Variants in CSMD1 observed in about 807,000 individuals in gnomAD.
The protein encoded by CSMD1 is CUB and sushi domain-containing protein 1.
In CSMD1, 213 loss-of-function variants were observed where a neutral mutation model predicts 417.5. The ratio of observed to expected loss-of-function variants is 0.51; its 90% CI spans 0.46 to 0.57. CSMD1 has a LOEUF of 0.57. Among genes scored for constraint, CSMD1 ranks in the 20% least tolerant of loss-of-function variants. The probability of loss-of-function intolerance (pLI) is 0.00; values close to 1 mark genes in which losing one functional copy is unlikely to be tolerated. For synonymous variants in CSMD1, 2,862 were observed against 1,736.8 expected, an observed-to-expected ratio of 1.65 and a Z score of -16.11; for missense variants, 6,923 against 4,529.7, an observed-to-expected ratio of 1.53 and a Z score of -15.17.
chr8:3,784,438 T>A (rs1354233441), intron 5 of CSMD1, among the ~76,000 whole-genome samples: 2 of 152,238 alleles, frequency 1.3e-5, no homozygotes, highest in East Asian at 1.9e-4. Context: ...CCTTTCAGTT[T>A]CTTAAAGAGA....
At chr8:4,460,495 A>T (rs1414027463) in intron 2 of CSMD1, among the ~76,000 whole-genome samples, 1 of 152,168 alleles carries the variant, frequency 6.6e-6, no homozygotes, top group Non-Finnish European at 1.5e-5. Context: ...TCAAGTATAC[A>T]ATAGAAAAAA....
intron 7 of CSMD1, among the ~76,000 whole-genome samples, chr8:3,619,347 T>C (rs1006425978): frequency 1.3e-5 from 2 of 151,442 alleles, no homozygotes; most frequent in African/African-American, 2.4e-5. Flanking sequence ...TCTGCAAACA[T>C]GGAGCACGGT....
intron 3 of CSMD1, among the ~76,000 whole-genome samples, chr8:4,411,102 C>T (rs111307204): frequency 1.1e-4 from 16 of 152,094 alleles, no homozygotes; most frequent in African/African-American, 3.6e-4. Context: ...CACGTGTGGC[C>T]ACCTGATCTT....
At chr8:3,672,507 G>A (rs1009039633) in intron 7 of CSMD1, among the ~76,000 whole-genome samples, 11 of 152,162 alleles carry the variant, frequency 7.2e-5, no homozygotes, top group Non-Finnish European at 1.2e-4. Flanking sequence ...TAAATATTTA[G>A]ATTATATAAA....
chr8:4,156,704 G>A (rs1389891052), intron 3 of CSMD1, among the ~76,000 whole-genome samples: 1 of 152,146 alleles, frequency 6.6e-6, no homozygotes, highest in Non-Finnish European at 1.5e-5. Flanking sequence ...GGCCCAAGAA[G>A]AGACTATGTG....
At chr8:4,891,902 GCAAA>G (rs1804148663) in intron 1 of CSMD1, among the ~76,000 whole-genome samples, 2 of 151,926 alleles carry the variant, frequency 1.3e-5, no homozygotes, top group South Asian at 2.1e-4. Context: ...TTCTATTTTA[GCAAA>G]CAAACAGATG....
At chr8:4,764,351 T>A (rs7841289) in intron 1 of CSMD1, among the ~76,000 whole-genome samples, 68,589 of 152,060 alleles carry the variant, frequency 0.45, 16,418 homozygotes, top group Admixed American at 0.62. Context: ...GAAATTAGTA[T>A]CAATTCACAA....
intron 3 of CSMD1, among the ~76,000 whole-genome samples, chr8:4,290,189 G>C (rs535451191): frequency 2.6e-5 from 4 of 152,142 alleles, no homozygotes; most frequent in Non-Finnish European, 5.9e-5. Flanking sequence ...ACTTTTGAAA[G>C]AATCAGTCAA....
chr8:4,946,894 AT>A (rs1808407548), intron 1 of CSMD1, among the ~76,000 whole-genome samples: 1 of 143,424 alleles, frequency 7.0e-6, no homozygotes, highest in African/African-American at 2.8e-5. Flanking sequence ...ATCAGAAAAT[AT>A]ATGTTTCTTT....
intron 1 of CSMD1, among the ~76,000 whole-genome samples, chr8:4,811,730 T>G (rs1378991905): frequency 6.6e-6 from 1 of 152,306 alleles, no homozygotes; most frequent in African/African-American, 2.4e-5. Context: ...TCATTTTTTT[T>G]GCTTCGTTTA....
chr8:3,978,146 A>T (rs1201120321), intron 5 of CSMD1, among the ~76,000 whole-genome samples: 1 of 152,136 alleles, frequency 6.6e-6, no homozygotes, highest in African/African-American at 2.4e-5. Flanking sequence ...CCTCAAGAGA[A>T]ACTTCCTCTC....
At chr8:3,973,595 G>T (rs1813223388) in intron 5 of CSMD1, among the ~76,000 whole-genome samples, 1 of 152,070 alleles carries the variant, frequency 6.6e-6, no homozygotes, top group Admixed American at 6.6e-5. Flanking sequence ...GGAAAAAAGG[G>T]AAAGAGAAAC....
chr8:4,252,241 G>A (rs779109), intron 3 of CSMD1, among the ~76,000 whole-genome samples: 1 of 152,144 alleles, frequency 6.6e-6, no homozygotes, highest in South Asian at 2.1e-4. Context: ...TTTCCTTTCC[G>A]TTCCTGGCTT....
chr8:3,245,519 G>C (rs1799820561), intron 26 of CSMD1, among the ~76,000 whole-genome samples: 1 of 152,250 alleles, frequency 6.6e-6, no homozygotes, highest in East Asian at 1.9e-4. Context: ...TCAGCTTTAA[G>C]ACCTAGGAAT....
chr8:3,385,337 T>G (rs1187032024), intron 18 of CSMD1, among the ~76,000 whole-genome samples: 11 of 73,982 alleles, frequency 1.5e-4, no homozygotes, highest in Middle Eastern at 0.02. Flanking sequence ...TGGATAATTT[T>G]TTTGTGTTTT....
At chr8:3,725,093 G>A (rs942526382) in intron 6 of CSMD1, among the ~76,000 whole-genome samples, 58 of 152,186 alleles carry the variant, frequency 3.8e-4, no homozygotes, top group Middle Eastern at 3.2e-3. Context: ...TCAGCATAGC[G>A]GTTTGGAAGG....
At chr8:4,761,894 C>CTATCAAT (rs1563319426) in intron 1 of CSMD1, among the ~76,000 whole-genome samples, 4 of 83,744 alleles carry the variant, frequency 4.8e-5, no homozygotes, top group East Asian at 3.8e-4. Context: ...TATCTACCTA[C>CTATCAAT]CTATCTATCT....
chr8:3,621,431 T>G (rs904948383), intron 7 of CSMD1, among the ~76,000 whole-genome samples: 1 of 152,034 alleles, frequency 6.6e-6, no homozygotes, highest in Admixed American at 6.6e-5. Context: ...TGCCAGGGGC[T>G]GGGGCAAAGG....
chr8:4,078,918 T>A (rs1426850815), intron 3 of CSMD1, among the ~76,000 whole-genome samples: 398 of 25,740 alleles, frequency 0.015, 12 homozygotes, highest in African/African-American at 0.028. Flanking sequence ...TATATATATA[T>A]ATATATATAT....
Sources: allele counts gnomAD v4.1 joint callset (sites outside exome capture counted in the v4.1 genomes callset), GRCh38; gene constraint gnomAD v4.1.1; transcripts MANE v1.5; gene names NCBI Gene and HGNC (gene_info 2026-07-23, HGNC 2026-07-21).